The following ZDHHC11B variants were observed in gnomAD, a reference collection of about 807,000 sequenced individuals.
The protein encoded by ZDHHC11B is zDHHC palmitoyltransferase 11B (putative), also known as probable palmitoyltransferase ZDHHC11B.
ZDHHC11B carries 17 observed loss-of-function variants against 42.3 expected under a neutral mutation model. That is an observed-to-expected ratio of 0.40 (90% CI 0.27 to 0.60). The LOEUF (loss-of-function observed/expected upper bound fraction) is 0.60, where lower values mean the gene tolerates loss of function less well. Ranked by LOEUF, ZDHHC11B falls within the 20% of genes least tolerant of loss-of-function variation. ZDHHC11B has a pLI of 0.41. For synonymous variants in ZDHHC11B, 123 were observed against 193.5 expected, an observed-to-expected ratio of 0.64 and a Z score of 3.02; for missense variants, 262 against 463.2, an observed-to-expected ratio of 0.57 and a Z score of 3.99.
At chr5:779,047 C>A (rs1401408143) in intron 1 of ZDHHC11B, among the ~76,000 whole-genome samples, 1 of 151,184 alleles carries the variant, frequency 6.6e-6, no homozygotes, top group African/African-American at 2.5e-5. Context: ...CTTGGACTCT[C>A]CAGCCTCCAG....
At chr5:780,258 A>G (rs955170161) in intron 1 of ZDHHC11B, among the ~76,000 whole-genome samples, 2 of 150,984 alleles carry the variant, frequency 1.3e-5, no homozygotes, top group Admixed American at 1.3e-4. Flanking sequence ...CAAGAGACTC[A>G]TGACCACATG....
intron 13 of ZDHHC11B, among the ~76,000 whole-genome samples, chr5:715,122 T>C (rs1324853616): frequency 6.6e-6 from 1 of 150,556 alleles, no homozygotes; most frequent in Non-Finnish European, 1.5e-5. Flanking sequence ...TTTTTCTTTA[T>C]AAATTACCCA....
intron 10 of ZDHHC11B, among the ~76,000 whole-genome samples, chr5:737,269 A>T (rs1218728158): frequency 6.8e-6 from 1 of 147,996 alleles, no homozygotes; most frequent in East Asian, 2.1e-4. Context: ...TCAGGAAGAA[A>T]TAGAAACTCG....
rs564299275 is a variant in ZDHHC11B, at chr5:730,191, G to A, written c.1058+243C>T. On this transcript the variant is annotated intron_variant, in intron 12 of 13. Coordinates refer to ENST00000508859, the MANE Select transcript of ZDHHC11B (RefSeq NM_001351303.2). ...GTGTTTAAAGAAAGAAAATAACTAC[G>A]CTTGGCCTTATTTTTGTGCGTAAGT... Among the ~76,000 whole-genome samples the A allele has an allele frequency of 5.7e-4, 86 of 151,914 alleles. 2 individuals carry two copies. Among genetic ancestry groups the A allele is most frequent in the African/African-American group, 1.9e-3 (77 of 41,292 alleles).
intron 10 of ZDHHC11B, among the ~76,000 whole-genome samples, chr5:735,943 G>C (rs1224898348): frequency 6.7e-6 from 1 of 148,810 alleles, no homozygotes; most frequent in African/African-American, 2.5e-5. Context: ...CAACTAGCAT[G>C]ATCAATAAAA....
chr5:783,862 G>GCCCCATCAAGACAGCAGCCCTCAAC (rs1737057234), intron 1 of ZDHHC11B, among the ~76,000 whole-genome samples: 2 of 84,176 alleles, frequency 2.4e-5, no homozygotes, highest in Non-Finnish European at 5.0e-5. Flanking sequence ...AGCCCCCCAA[G>GCCCCATCAAGACAGCAGCCCTCAAC]CCCCATCAAG....
chr5:753,916 G>A (rs539816415), intron 6 of ZDHHC11B, among the ~76,000 whole-genome samples: 3 of 145,112 alleles, frequency 2.1e-5, no homozygotes, highest in African/African-American at 7.4e-5. Context: ...GGGAGCAGGC[G>A]TGGTTCTTTT....
chr5:779,441 G>A (rs1269798030), intron 1 of ZDHHC11B, among the ~76,000 whole-genome samples: 1 of 149,696 alleles, frequency 6.7e-6, no homozygotes, highest in Non-Finnish European at 1.5e-5. Context: ...GAGACCACAG[G>A]GGGCTCCAGA....
At chr5:745,542 C>T (rs1270925428) in intron 8 of ZDHHC11B, among the ~76,000 whole-genome samples, 1 of 149,924 alleles carries the variant, frequency 6.7e-6, no homozygotes, top group East Asian at 2.0e-4. Flanking sequence ...ACGGTGCTGA[C>T]TCAGGCCCCC....
chr5:764,958 G>A (rs940538325), intron 4 of ZDHHC11B, among the ~76,000 whole-genome samples: 1 of 5,160 alleles, frequency 1.9e-4, no homozygotes, highest in Non-Finnish European at 4.9e-4. Context: ...GTGGGGACTT[G>A]GAGAACCTTT....
chr5:757,179 T>G (rs1733977588), intron 4 of ZDHHC11B, among the ~76,000 whole-genome samples: 1 of 151,872 alleles, frequency 6.6e-6, no homozygotes, highest in Admixed American at 6.6e-5. Flanking sequence ...CTGGACCGCC[T>G]TCTAGCCATG....
At chr5:759,853 G>T (rs1237713208) in intron 4 of ZDHHC11B, among the ~76,000 whole-genome samples, 1 of 151,900 alleles carries the variant, frequency 6.6e-6, no homozygotes, top group African/African-American at 2.4e-5. Flanking sequence ...CCGGGTCCCT[G>T]CAGGTGCCGG....
chr5:777,550 T>C (rs1383624443), intron 1 of ZDHHC11B, among the ~76,000 whole-genome samples: 2 of 151,874 alleles, frequency 1.3e-5, no homozygotes, highest in Admixed American at 6.6e-5. Flanking sequence ...GGAGTCAGGT[T>C]GCGGCAGGGC....
At position 774,595 on chromosome 5, in the gene ZDHHC11B, G is replaced by A. The variant is rs555751705; in HGVS notation, c.-229-5665C>T. On this transcript the variant is annotated intron_variant, in intron 1 of 13. Transcript: ENST00000508859. ...CCTGGGGTCTGTCACTAGGGCCAGG[G>A]GTCTGCCCCTTGGGCCTGGAGCCTG... 2.0e-5 allele frequency among the ~76,000 whole-genome samples: 3 copies of A among 147,232 alleles called. No homozygotes were observed. The South Asian group carries it at 6.7e-4, about 33-fold the overall frequency.
intron 4 of ZDHHC11B, among the ~76,000 whole-genome samples, chr5:757,681 C>A (rs1734047932): frequency 6.6e-6 from 1 of 151,968 alleles, no homozygotes; most frequent in South Asian, 2.1e-4. Flanking sequence ...ATCTTCCAGG[C>A]ACTCACGTGG....
At chr5:765,189 G>C (rs1350279182) in intron 4 of ZDHHC11B, among the ~76,000 whole-genome samples, 1 of 150,678 alleles carries the variant, frequency 6.6e-6, no homozygotes, top group Middle Eastern at 3.2e-3. Flanking sequence ...TAATCTGGTG[G>C]GGACTTGGAG....
At chr5:744,995 G>GTGTT (rs1393485903) in intron 9 of ZDHHC11B, among the ~76,000 whole-genome samples, 188 bp downstream of exon 9, 2 of 146,884 alleles carry the variant, frequency 1.4e-5, no homozygotes, top group Non-Finnish European at 3.0e-5. Flanking sequence ...TGCATGACTG[G>GTGTT]TGTTTATGTT....
At chr5:719,961 T>A (rs2126963001) in intron 12 of ZDHHC11B, among the ~76,000 whole-genome samples, 1 of 151,904 alleles carries the variant, frequency 6.6e-6, no homozygotes, top group Non-Finnish European at 1.5e-5. Flanking sequence ...AGCATATCCA[T>A]GCAGTATACA....
rs1736226859 is a variant in ZDHHC11B, at chr5:773,556, T to C, written c.-229-4626A>G. Among the ~76,000 whole-genome samples the C allele has an allele frequency of 2.6e-5, 4 of 151,808 alleles. No individual in the cohort carries two copies. In the South Asian group the frequency reaches 6.3e-4, roughly 24 times the overall value. ...CACTCCCAGGCCTGTGCCCACCATC[T>C]CAGCTGTGCCCTGTACTCCCAGGCC... On this transcript the variant is annotated intron_variant, in intron 1 of 13. Coordinates refer to ENST00000508859, the MANE Select transcript of ZDHHC11B (RefSeq NM_001351303.2).
Sources: gnomAD v4.1 joint callset for allele counts (sites outside exome capture counted in the v4.1 genomes callset) on GRCh38, gnomAD v4.1.1 for gene constraint, MANE v1.5 for transcripts, NCBI Gene and HGNC (gene_info 2026-07-23, HGNC 2026-07-21) for gene names.